The following PDE1C variants were observed in gnomAD, a reference collection of about 807,000 sequenced individuals.
PDE1C encodes phosphodiesterase 1C.
In PDE1C, 62 loss-of-function variants were observed where a neutral mutation model predicts 93.1. The ratio of observed to expected loss-of-function variants is 0.67; its 90% CI spans 0.54 to 0.82. PDE1C has a LOEUF of 0.82. Among genes scored for constraint, PDE1C ranks in the 40% least tolerant of loss-of-function variants. The pLI, the probability that PDE1C is intolerant of heterozygous loss-of-function variation, is 0.00. For missense variants in PDE1C, 742 were observed against 884.6 expected (o/e 0.84, Z 2.04); for synonymous variants, 325 against 310.1 (o/e 1.05, Z -0.50).
At chr7:32,148,163 T>C (rs1314156319) in intron 3 of PDE1C, among the ~76,000 whole-genome samples, 1 of 152,110 alleles carries the variant, frequency 6.6e-6, no homozygotes, top group Non-Finnish European at 1.5e-5. Flanking sequence ...TCTGTGCTAA[T>C]CTCACTACTA....
intron 3 of PDE1C, among the ~76,000 whole-genome samples, chr7:32,079,952 G>A (rs978337650): frequency 6.6e-6 from 1 of 152,146 alleles, no homozygotes; most frequent in Non-Finnish European, 1.5e-5. Context: ...AAGTGGTCAC[G>A]GATGGCCTCC....
rs1465058013 is a variant in PDE1C at position 32,424,537 on chromosome 7, C to G, written c.310+3285G>C. Among the ~76,000 whole-genome samples the G allele has an allele frequency of 3.3e-5, 5 of 152,172 alleles. No individual in the cohort carries two copies. In the East Asian group the frequency reaches 7.7e-4, roughly 23 times the overall value. Reference sequence around the variant, plus strand: ...GTGGCTCATGCCTATAATCCCAGTACTTTGGGAGGCTGAGGCGGGTGGATC... The same window carrying G: ...GTGGCTCATGCCTATAATCCCAGTAGTTTGGGAGGCTGAGGCGGGTGGATC... On this transcript the variant is annotated intron_variant, in intron 1 of 1. Transcript: ENST00000672256.
intron 2 of PDE1C, among the ~76,000 whole-genome samples, chr7:31,935,124 G>GCA (rs1804861912): frequency 6.6e-6 from 1 of 151,638 alleles, no homozygotes; most frequent in African/African-American, 2.4e-5. Flanking sequence ...AAGAGAACAT[G>GCA]GATAGTGCTA....
intron 2 of PDE1C, among the ~76,000 whole-genome samples, chr7:31,996,341 C>G (rs1784727442): frequency 6.6e-6 from 1 of 151,916 alleles, no homozygotes; most frequent in Non-Finnish European, 1.5e-5. Flanking sequence ...AGATCACCCA[C>G]AATGATCTTC....
chr7:32,322,837 A>G (rs550371201), intron 1 of PDE1C, among the ~76,000 whole-genome samples: 3 of 151,622 alleles, frequency 2.0e-5, no homozygotes, highest in African/African-American at 7.3e-5. Flanking sequence ...ATGGTCTTGA[A>G]CCCCTGACCT....
intron 1 of PDE1C, among the ~76,000 whole-genome samples, chr7:32,333,955 C>G (rs1191442464): frequency 6.6e-6 from 1 of 152,140 alleles, no homozygotes; most frequent in East Asian, 1.9e-4. Context: ...ATCCCAGACC[C>G]TGTCATTTCA....
chr7:31,935,372 G>C (rs530375131), intron 2 of PDE1C, among the ~76,000 whole-genome samples: 1 of 152,096 alleles, frequency 6.6e-6, no homozygotes, highest in South Asian at 2.1e-4. Flanking sequence ...CCCCAGGCCT[G>C]CACTTCCCTT....
In PDE1C at chr7:31,998,010, T is replaced by TTTATTTTTATTTA. The variant is rs372231310; in HGVS notation, c.128+53543_128+53544insTAAATAAAAATAA. On this transcript the variant is annotated intron_variant, in intron 2 of 17. Coordinates refer to ENST00000396191, the MANE Select transcript of PDE1C (RefSeq NM_001191057.4). Reference sequence around the variant, plus strand: ...TTATTTTTATTTTATTTTATTTTATTTTTATTTATTTATTTATTTATTTTT... The same window carrying TTTATTTTTATTTA: ...TTATTTTTATTTTATTTTATTTTATTTTATTTTTATTTATTTATTTATTTATTTATTTATTTTT... 2.0e-3 allele frequency among the ~76,000 whole-genome samples: 303 copies of TTTATTTTTATTTA among 148,748 alleles called. 2 individuals carry two copies. The highest frequency in any genetic ancestry group is 6.7e-3 in the African/African-American group (270 of 40,588).
At position 32,098,229 on chromosome 7, in the gene PDE1C, C is replaced by CAAAAAAAAAAAAAAAAAAA. The variant is rs60146342; in HGVS notation, c.308+71555_308+71556insTTTTTTTTTTTTTTTTTTT. On this transcript the variant is annotated intron_variant, in intron 3 of 18. Transcript: ENST00000396193. ...TGGGCGACAGAGCGAGACTCCGTCT[C>CAAAAAAAAAAAAAAAAAAA]AAAAAAAAAAAAAAAAAAGACATAA... Among the ~76,000 whole-genome samples, 64 of 46,194 alleles carry CAAAAAAAAAAAAAAAAAAA rather than the reference C, an allele frequency of 1.4e-3. 1 individual carries two copies. The highest frequency in any genetic ancestry group is 1.6e-3 in the Admixed American group (7 of 4,422). The allele number at this position is 46,194 out of a possible 152,430, so 30.3% of individuals were successfully genotyped here.
the PDE1C span, among the ~76,000 whole-genome samples, chr7:31,701,055 G>A: frequency 7.7e-4 from 117 of 151,406 alleles, no homozygotes; most frequent in African/African-American, 2.5e-3. Context: ...GAGTTACTTC[G>A]ACTTGCAAGT....
chr7:31,669,023 CT>C, the PDE1C span, among the ~76,000 whole-genome samples: 12 of 73,480 alleles, frequency 1.6e-4, no homozygotes, highest in African/African-American at 4.4e-4. Flanking sequence ...CCAGTTCAGC[CT>C]GGGTCTGTTA....
intron 1 of PDE1C, among the ~76,000 whole-genome samples, chr7:32,313,984 G>T (rs1783112830): frequency 6.6e-6 from 1 of 151,874 alleles, no homozygotes; most frequent in South Asian, 2.1e-4. Context: ...CTGCTATTTT[G>T]TATCCTCAGT....
the PDE1C span, among the ~76,000 whole-genome samples, chr7:31,646,979 A>T: frequency 0.76 from 115,137 of 152,242 alleles, 43,683 homozygotes; most frequent in East Asian, 0.83. Context: ...TCCCTTTATT[A>T]ACATCCAAAG....
At chr7:31,868,563 C>A (rs778797387) in intron 6 of PDE1C, among the ~76,000 whole-genome samples, 11 of 151,880 alleles carry the variant, frequency 7.2e-5, no homozygotes, top group Non-Finnish European at 1.2e-4. Flanking sequence ...ATTAAACAAC[C>A]AAATATTTGC....
At chr7:31,791,604 T>C (rs1462741324) in intron 16 of PDE1C, among the ~76,000 whole-genome samples, 1 of 152,064 alleles carries the variant, frequency 6.6e-6, no homozygotes, top group Non-Finnish European at 1.5e-5. Flanking sequence ...TTCAGAGATG[T>C]CCCCAGACCC....
At chr7:31,856,881 T>G (rs2128815687) in intron 7 of PDE1C, among the ~76,000 whole-genome samples, 1 of 152,206 alleles carries the variant, frequency 6.6e-6, no homozygotes, top group South Asian at 2.1e-4. Flanking sequence ...AGGAGAAAAG[T>G]CCAAAATCAA....
the PDE1C span, among the ~76,000 whole-genome samples, chr7:31,741,061 CAA>C: frequency 3.4e-3 from 484 of 144,292 alleles, no homozygotes; most frequent in Non-Finnish European, 4.6e-3. Context: ...GACCCTGTCT[CAA>C]AAAAAAAAAA....
At chr7:31,773,824 T>G (rs1795658980) in intron 17 of PDE1C, among the ~76,000 whole-genome samples, 2 of 152,132 alleles carry the variant, frequency 1.3e-5, no homozygotes, top group Non-Finnish European at 1.5e-5. Context: ...AAGACAGTCC[T>G]CATCATGGAA....
intron 2 of PDE1C, among the ~76,000 whole-genome samples, chr7:31,883,691 C>T (rs1046000186): frequency 2.0e-5 from 3 of 152,210 alleles, no homozygotes; most frequent in African/African-American, 7.2e-5. Flanking sequence ...CCTCATATCA[C>T]CTTGTGATCA....
Sources: gnomAD v4.1 joint callset for allele counts (sites outside exome capture counted in the v4.1 genomes callset) on GRCh38, gnomAD v4.1.1 for gene constraint, MANE v1.5 for transcripts, NCBI Gene and HGNC (gene_info 2026-07-23, HGNC 2026-07-21) for gene names.